DST: variants seen among roughly 807,000 people sequenced by gnomAD.
DST encodes the protein bullous pemphigoid antigen.
A neutral mutation model predicts 875.2 loss-of-function variants in DST; 253 were observed. That is an observed-to-expected ratio of 0.29 (90% confidence interval 0.26 to 0.32). DST has a LOEUF of 0.32. DST is among the 10% of genes least tolerant of loss of function. DST has a pLI of 1.00. For synonymous variants in DST, 3,124 were observed against 3,197.1 expected (o/e 0.98, Z 0.77); for missense variants, 8,287 against 9,111.6 (o/e 0.91, Z 3.68).
intron 52 of DST, 47 bp from the exon 53 acceptor site, chr6:56,572,313 T>C: frequency 7.4e-7 from 1 of 1,345,272 alleles, no homozygotes; most frequent in Non-Finnish European, 1.0e-6. Context: ...TGCTAGATCT[T>C]CAAATGGCAT....
intron 2 of DST, among the ~76,000 whole-genome samples, chr6:56,900,897 GA>G (rs1290925069): frequency 6.6e-6 from 1 of 151,790 alleles, no homozygotes; most frequent in Non-Finnish European, 1.5e-5. Flanking sequence ...AAAAAGGAGG[GA>G]AAAAAAGCAG....
At chr6:56,696,032 A>T (rs1461984880) in intron 9 of DST, among the ~76,000 whole-genome samples, 4 of 152,188 alleles carry the variant, frequency 2.6e-5, no homozygotes, top group African/African-American at 9.6e-5. Context: ...CAAAACATAG[A>T]TGTGTTCCAT....
At chr6:56,830,226 A>C (rs1305967426) in intron 4 of DST, among the ~76,000 whole-genome samples, 2 of 152,176 alleles carry the variant, frequency 1.3e-5, no homozygotes, top group African/African-American at 2.4e-5. Flanking sequence ...CACATTGTGC[A>C]TTGTCATGAA....
At chr6:56,749,168 CA>C (rs2099580563) in intron 4 of DST, among the ~76,000 whole-genome samples, 1 of 152,090 alleles carries the variant, frequency 6.6e-6, no homozygotes, top group Non-Finnish European at 1.5e-5. Flanking sequence ...GGCTGGCCAA[CA>C]TGGTGAAACC....
At chr6:56,817,431 T>C (rs745446748) in intron 4 of DST, among the ~76,000 whole-genome samples, 20 of 152,194 alleles carry the variant, frequency 1.3e-4, no homozygotes, top group Non-Finnish European at 2.4e-4. Flanking sequence ...GGTTGGATGT[T>C]TGGAAAGCAA....
chr6:56,517,082 T>A, intron 71 of DST, 116 bp downstream of exon 71: 1 of 760,874 alleles, frequency 1.3e-6, no homozygotes, highest in East Asian at 2.5e-5. Flanking sequence ...AAACTAATTA[T>A]TTTTGCTGCT....
At chr6:56,482,312 C>G in intron 89 of DST, 134 bp from the exon 90 acceptor site, 1 of 1,007,102 alleles carries the variant, frequency 9.9e-7, no homozygotes, top group Non-Finnish European at 1.3e-6. Flanking sequence ...CTTCATTACT[C>G]CCATTAAGAA....
At chr6:56,623,955 C>T (rs1254197590) in intron 36 of DST, among the ~76,000 whole-genome samples, 1 of 150,970 alleles carries the variant, frequency 6.6e-6, no homozygotes, top group Non-Finnish European at 1.5e-5. Flanking sequence ...TTTAAATAGC[C>T]TTTTTAAATG....
chr6:56,699,100 A>T (rs979110222), intron 9 of DST, among the ~76,000 whole-genome samples: 2 of 152,222 alleles, frequency 1.3e-5, no homozygotes, highest in African/African-American at 4.8e-5. Flanking sequence ...AACTAAATCA[A>T]AATCGGTCCT....
At chr6:56,572,343 G>T in intron 52 of DST, 77 bp from the exon 53 acceptor site, 2 of 1,015,774 alleles carry the variant, frequency 2.0e-6, no homozygotes, top group Non-Finnish European at 1.4e-6. Context: ...AGGTCTGTGC[G>T]GGATCAGAAT....
intron 4 of DST, among the ~76,000 whole-genome samples, chr6:56,751,478 C>CAATTATTTT (rs2099586955): frequency 6.6e-6 from 1 of 151,968 alleles, no homozygotes. Context: ...AGCAGGCATT[C>CAATTATTTT]TTGTGATATT....
chr6:56,478,072 C>T (rs1403198630), intron 90 of DST, among the ~76,000 whole-genome samples: 1 of 152,050 alleles, frequency 6.6e-6, no homozygotes, highest in Non-Finnish European at 1.5e-5. Flanking sequence ...AAATAACTCT[C>T]CCAAATTTAG....
At chr6:56,749,302 C>T (rs569283824) in intron 4 of DST, among the ~76,000 whole-genome samples, 2 of 152,088 alleles carry the variant, frequency 1.3e-5, no homozygotes, top group East Asian at 1.9e-4. Flanking sequence ...TGCAGTGAGA[C>T]GAGATTGGGC....
chr6:56,512,559 A>T lies in DST; in HGVS notation c.18577-1159T>A, dbSNP rs972550975. 3.9e-5 allele frequency among the ~76,000 whole-genome samples: 6 copies of T among 152,300 alleles called. No homozygotes were observed. In the East Asian group the frequency reaches 1.2e-3, roughly 29 times the overall value. On this transcript the variant is annotated intron_variant, in intron 72 of 103. Transcript: ENST00000680361. The stretch of plus-strand genomic sequence containing the variant: ...GTATCTCCAAACTCCAGCCCCTCAC[A>T]AAAGCTTCTCTGGGGAATCTTACTT...
At chr6:56,624,245 C>T (rs528458650) in intron 36 of DST, 24 of 589,506 alleles carry the variant, frequency 4.1e-5, no homozygotes, top group Middle Eastern at 4.5e-4. Context: ...GCCAAAATTT[C>T]GTAATTTATT....
chr6:56,821,044 G>C (rs1326308497), intron 4 of DST, among the ~76,000 whole-genome samples: 1 of 152,174 alleles, frequency 6.6e-6, no homozygotes, highest in Non-Finnish European at 1.5e-5. Flanking sequence ...GCTTCAATAT[G>C]GAGGCCACCT....
chr6:56,605,606 G>A lies in DST; in HGVS notation c.9022C>T (p.Pro3008Ser), dbSNP rs1203933742. 2 of 1,612,888 alleles carry A rather than the reference G, an allele frequency of 1.2e-6. No individual in the cohort carries two copies. Among genetic ancestry groups the A allele is most frequent in the Non-Finnish European group, 8.5e-7 (1 of 1,179,336 alleles). The part of the protein sequence containing the change: ...ICTEPDLIGK[P>S]AEESHLSLIA... ...AATGACAAATGGCTTTCCTCAGCAGGTTTTCCTATTAAATCAGGCTCAGTA... is the reference window on the plus strand; with the variant it reads ...AATGACAAATGGCTTTCCTCAGCAGATTTTCCTATTAAATCAGGCTCAGTA... The change falls in exon 40 of 104, where the codon CCT becomes TCT. Residue 3008 changes from proline (P) to serine (S), a missense_variant. Coordinates refer to ENST00000680361, the MANE Select transcript of DST (RefSeq NM_001374736.1).
chr6:56,694,038 C>A (rs1320781816), intron 9 of DST, among the ~76,000 whole-genome samples: 3 of 146,798 alleles, frequency 2.0e-5, no homozygotes, highest in African/African-American at 7.5e-5. Context: ...TATGTGCATT[C>A]ATATATATAT....
At chr6:56,522,367 C>T (rs1029447280) in intron 69 of DST, among the ~76,000 whole-genome samples, 28 of 152,138 alleles carry the variant, frequency 1.8e-4, no homozygotes, top group African/African-American at 6.8e-4. Context: ...AATATCACAA[C>T]AGTCAATACA....
Sources: allele counts gnomAD v4.1 joint callset (sites outside exome capture counted in the v4.1 genomes callset), GRCh38; gene constraint gnomAD v4.1.1; transcripts MANE v1.5; gene names NCBI Gene and HGNC (gene_info 2026-07-23, HGNC 2026-07-21).